ENPP6: variants seen among roughly 807,000 people sequenced by gnomAD.
ENPP6 encodes glycerophosphocholine cholinephosphodiesterase ENPP6.
A neutral mutation model predicts 42.0 loss-of-function variants in ENPP6; 32 were observed. That is an observed-to-expected ratio of 0.76 (90% confidence interval 0.58 to 1.02). The LOEUF is 1.02. Ranked by LOEUF, ENPP6 falls within the 50% of genes least tolerant of loss-of-function variation. ENPP6 has a pLI of 0.00. For missense variants in ENPP6, 552 were observed against 566.8 expected (o/e 0.97, Z 0.27); for synonymous variants, 213 against 216.0 (o/e 0.99, Z 0.12).
At chr4:184,148,468 A>G (rs1006547588) in intron 2 of ENPP6, among the ~76,000 whole-genome samples, 1 of 152,256 alleles carries the variant, frequency 6.6e-6, no homozygotes, top group African/African-American at 2.4e-5. Context: ...TTCTGCAGAC[A>G]GCAGTCCAAA....
At chr4:184,101,652 G>C (rs1051276048) in intron 6 of ENPP6, among the ~76,000 whole-genome samples, 2 of 152,160 alleles carry the variant, frequency 1.3e-5, no homozygotes, top group African/African-American at 2.4e-5. Flanking sequence ...AGGGATGCAA[G>C]GCTTTCAGTT....
chr4:184,193,560 A>T (rs1223094624), intron 1 of ENPP6, among the ~76,000 whole-genome samples: 2 of 152,366 alleles, frequency 1.3e-5, no homozygotes, highest in South Asian at 4.1e-4. Context: ...CAGTGGTTGC[A>T]CATCTCTGTA....
Position 184,131,304 on chromosome 4 carries a change from C to CTTCCTTCCTTCCTTCT in ENPP6, c.422-7033_422-7032insAGAAGGAAGGAAGGAA, listed in dbSNP as rs1255085806. Among the ~76,000 whole-genome samples, 35 of 143,426 alleles carry CTTCCTTCCTTCCTTCT rather than the reference C, an allele frequency of 2.4e-4. 2 individuals are homozygous for CTTCCTTCCTTCCTTCT. Among genetic ancestry groups the CTTCCTTCCTTCCTTCT allele is most frequent in the Non-Finnish European group, 4.6e-5 (3 of 65,880 alleles). The allele number at this position is 143,426 out of a possible 152,430, so 94.1% of individuals were successfully genotyped here. A position where few individuals can be genotyped will look rare whatever the true frequency, so the allele number is the denominator to read the frequency against. ...CCTTCCTTCCTTCCTTCCTTCCTTC[C>CTTCCTTCCTTCCTTCT]TTCCTTTCTCTCTCCTCTCTCTCTT... On this transcript the variant is annotated intron_variant, in intron 2 of 7. Coordinates refer to ENST00000296741, the MANE Select transcript of ENPP6 (RefSeq NM_153343.4).
chr4:184,104,341 G>T (rs1736052949), intron 6 of ENPP6, among the ~76,000 whole-genome samples: 1 of 152,194 alleles, frequency 6.6e-6, no homozygotes, highest in Admixed American at 6.5e-5. Context: ...CTTTCCTCTG[G>T]AGAAAAATAT....
intron 1 of ENPP6, among the ~76,000 whole-genome samples, chr4:184,160,615 G>C (rs1161874600): frequency 6.6e-6 from 1 of 152,216 alleles, no homozygotes; most frequent in Non-Finnish European, 1.5e-5. Context: ...ATAGCACATA[G>C]TGAGCACTGT....
chr4:184,194,429 C>T (rs889330207), intron 1 of ENPP6, among the ~76,000 whole-genome samples: 1 of 152,168 alleles, frequency 6.6e-6, no homozygotes, highest in African/African-American at 2.4e-5. Flanking sequence ...AAGCCACATG[C>T]CTTTCAGAGA....
chr4:184,116,954 T>C lies in ENPP6; in HGVS notation c.757A>G (p.Ile253Val), dbSNP rs778192654. Residue 253 changes from isoleucine to valine, a missense_variant, in exon 5 of 8, where the codon ATT becomes GTT. By Grantham distance (29) the Ile-to-Val change is conservative (BLOSUM62 3). Coordinates refer to ENST00000296741, the MANE Select transcript of ENPP6 (RefSeq NM_153343.4). ...MTDIFWMDKV[I>V]ELNKYISLND... The stretch of plus-strand genomic sequence containing the variant: ...AGGCTGATGTACTTATTCAGCTCAA[T>C]CACTTTGTCCATCCAGAAAATGTCG... 26 of 1,614,172 alleles carry C rather than the reference T, an allele frequency of 1.6e-5. No homozygotes were observed. Among genetic ancestry groups the C allele is most frequent in the Non-Finnish European group, 2.0e-5 (24 of 1,180,036 alleles).
chr4:184,092,802 G>A (rs1490038908), intron 7 of ENPP6, among the ~76,000 whole-genome samples: 3 of 152,256 alleles, frequency 2.0e-5, no homozygotes, highest in African/African-American at 7.2e-5. Flanking sequence ...GTTGTTTGGG[G>A]GCCGTAAAGC....
intron 6 of ENPP6, among the ~76,000 whole-genome samples, chr4:184,109,509 G>A (rs1736164262): frequency 6.6e-6 from 1 of 152,100 alleles, no homozygotes; most frequent in Non-Finnish European, 1.5e-5. Context: ...GATGAATTTC[G>A]CAGCCCTTAT....
At chr4:184,192,431 A>G (rs953175513) in intron 1 of ENPP6, among the ~76,000 whole-genome samples, 2 of 152,258 alleles carry the variant, frequency 1.3e-5, no homozygotes, top group African/African-American at 4.8e-5. Context: ...CTCACACTGT[A>G]TATAAACATT....
chr4:184,195,784 G>A (rs548271621), intron 1 of ENPP6, among the ~76,000 whole-genome samples: 1 of 152,226 alleles, frequency 6.6e-6, no homozygotes, highest in African/African-American at 2.4e-5. Context: ...GAGAAATGCA[G>A]TATTTCTTAT....
chr4:184,112,187 T>C (rs1482554806), intron 6 of ENPP6, among the ~76,000 whole-genome samples: 2 of 152,270 alleles, frequency 1.3e-5, no homozygotes, highest in East Asian at 3.9e-4. Context: ...GTGGAGGTCA[T>C]TCAGGCATGA....
Position 184,090,922 on chromosome 4 carries a change from A to G in ENPP6, c.*255T>C. 2.2e-6 allele frequency: 1 copy of G among 452,746 alleles called. No homozygotes were observed. The highest frequency in any genetic ancestry group is 3.8e-6 in the Non-Finnish European group (1 of 260,378). 28.0% of individuals were successfully genotyped at this position (452,746 alleles called of 1,614,324 possible). A position where few individuals can be genotyped will look rare whatever the true frequency, so the allele number is the denominator to read the frequency against. On this transcript the variant is annotated 3_prime_UTR_variant, in exon 8 of 8. Transcript: ENST00000296741. ...AGAGTTCATCCTGAGTAACGTGAAA[A>G]GAAAGGAGAAAATGACATATAACTG...
In ENPP6 at chr4:184,113,965, C is replaced by CTTTCTT. The variant is rs1560982025; in HGVS notation, c.856-1157_856-1156insAAGAAA. ...TTTCTTTCTTTCTTTCTTTCTTTCTCTCTTTCTTTCTTTCTTTTTGATGGA... is the reference window on the plus strand; with the variant it reads ...TTTCTTTCTTTCTTTCTTTCTTTCTCTTTCTTTCTTTCTTTCTTTCTTTTTGATGGA... On this transcript the variant is annotated intron_variant, in intron 5 of 7. Transcript: ENST00000296741. Among the ~76,000 whole-genome samples the CTTTCTT allele has an allele frequency of 8.3e-3, 304 of 36,498 alleles. 3 individuals are homozygous for CTTTCTT. Among genetic ancestry groups the CTTTCTT allele is most frequent in the Non-Finnish European group, 8.2e-3 (134 of 16,258 alleles). The allele number at this position is 36,498 out of a possible 152,430, so 23.9% of individuals were successfully genotyped here.
At chr4:184,116,735 A>G (rs1396320029) in intron 5 of ENPP6, 121 bp downstream of exon 5, 7 of 1,391,530 alleles carry the variant, frequency 5.0e-6, no homozygotes, top group African/African-American at 2.9e-5. Flanking sequence ...CTCTGCCTCA[A>G]AAAAAGAAAC....
chr4:184,107,748 T>C (rs1347746086), intron 6 of ENPP6, among the ~76,000 whole-genome samples: 1 of 152,140 alleles, frequency 6.6e-6, no homozygotes, highest in African/African-American at 2.4e-5. Flanking sequence ...ACCTCGTCTC[T>C]ACTAAAAATA....
chr4:184,110,002 G>A (rs1736172977), intron 6 of ENPP6, among the ~76,000 whole-genome samples: 1 of 152,162 alleles, frequency 6.6e-6, no homozygotes, highest in South Asian at 2.1e-4. Context: ...GAGATGGAAG[G>A]GAGAAGGTAC....
intron 1 of ENPP6, among the ~76,000 whole-genome samples, chr4:184,159,125 T>C (rs756135035): frequency 6.6e-6 from 1 of 152,208 alleles, no homozygotes; most frequent in Admixed American, 6.5e-5. Flanking sequence ...TTATCTCCGA[T>C]TGTATCATCA....
chr4:184,215,222 A>T (rs1733178830), intron 1 of ENPP6, among the ~76,000 whole-genome samples: 2 of 152,224 alleles, frequency 1.3e-5, no homozygotes, highest in South Asian at 4.1e-4. Flanking sequence ...CTGAGCAATA[A>T]TTCGGGTAAT....
Sources: allele counts gnomAD v4.1 joint callset (sites outside exome capture counted in the v4.1 genomes callset), GRCh38; gene constraint gnomAD v4.1.1; transcripts MANE v1.5; gene names NCBI Gene and HGNC (gene_info 2026-07-23, HGNC 2026-07-21).